Variants in AP3B1 observed in about 807,000 individuals in gnomAD.
AP3B1 encodes AP-3 complex subunit beta-1.
AP3B1 carries 61 observed loss-of-function variants against 132.5 expected under a neutral mutation model. The observed-to-expected ratio is 0.46, with a 90% confidence interval of 0.37 to 0.57. AP3B1 has a LOEUF of 0.57. AP3B1 is among the 20% of genes least tolerant of loss of function. AP3B1 has a pLI of 0.00. For missense variants in AP3B1, 1,120 were observed against 1,289.4 expected (o/e 0.87, Z 2.01); for synonymous variants, 388 against 438.3 (o/e 0.89, Z 1.43).
intron 8 of AP3B1, among the ~76,000 whole-genome samples, chr5:78,181,067 T>C (rs1270664387): frequency 6.6e-6 from 1 of 152,076 alleles, no homozygotes; most frequent in African/African-American, 2.4e-5. Flanking sequence ...ATACAAACAG[T>C]ATGGACTAAT....
At position 78,262,268 on chromosome 5, in the gene AP3B1, T is replaced by C. The variant is rs1313584982; in HGVS notation, c.204+5252A>G. On this transcript the variant is annotated intron_variant, in intron 2 of 26. Transcript: ENST00000255194. ...ATCTACTTTTTTTTTACTGTTCTTG[T>C]TTTAGTGTTGTATCTAAGAATCCTA... Among the ~76,000 whole-genome samples, 27 of 152,202 alleles carry C rather than the reference T, an allele frequency of 1.8e-4. 1 individual carries two copies. Among genetic ancestry groups the C allele is most frequent in the Admixed American group, 1.8e-3 (27 of 15,280 alleles).
At position 78,062,470 on chromosome 5, in the gene AP3B1, A is replaced by G. The variant is rs1232858555; in HGVS notation, c.2578-23196T>C. Among the ~76,000 whole-genome samples, 4 of 152,260 alleles carry G rather than the reference A, an allele frequency of 2.6e-5. No homozygotes were observed. The East Asian group carries it at 7.7e-4, about 29-fold the overall frequency. ...TACTAACACTTTATCTAAAAGACCT[A>G]AAGTTGTCTCTCAACTTTCAATAGG... On this transcript the variant is annotated intron_variant, in intron 22 of 26. Coordinates refer to ENST00000255194, the MANE Select transcript of AP3B1 (RefSeq NM_003664.5).
At chr5:78,055,514 T>C (rs1748773367) in intron 22 of AP3B1, among the ~76,000 whole-genome samples, 1 of 152,168 alleles carries the variant, frequency 6.6e-6, no homozygotes, top group African/African-American at 2.4e-5. Flanking sequence ...CTGGTGAAAG[T>C]CTCCTTCTTT....
intron 21 of AP3B1, among the ~76,000 whole-genome samples, chr5:78,097,636 C>A (rs1313669497): frequency 7.1e-6 from 1 of 141,520 alleles, no homozygotes; most frequent in Non-Finnish European, 1.6e-5. Flanking sequence ...CGGCCAGCCG[C>A]CCCGTCCGGG....
intron 23 of AP3B1, among the ~76,000 whole-genome samples, chr5:78,037,449 T>A (rs974960302): frequency 1.3e-5 from 2 of 152,222 alleles, no homozygotes; most frequent in South Asian, 2.1e-4. Flanking sequence ...AAAATATTTT[T>A]AAAAATTAAG....
At chr5:78,015,316 G>T (rs1746811319) in intron 26 of AP3B1, 94 bp downstream of exon 26, 3 of 1,297,738 alleles carry the variant, frequency 2.3e-6, no homozygotes, top group Admixed American at 1.8e-5. Flanking sequence ...ATGTTTAGGG[G>T]TTATTATTTC....
intron 22 of AP3B1, among the ~76,000 whole-genome samples, chr5:78,058,162 T>C (rs1748893789): frequency 6.6e-6 from 1 of 152,242 alleles, no homozygotes; most frequent in Non-Finnish European, 1.5e-5. Flanking sequence ...TTCATTTCAT[T>C]TGAGATTTAT....
At chr5:78,278,531 G>A (rs1324978368) in intron 1 of AP3B1, among the ~76,000 whole-genome samples, 1 of 89,874 alleles carries the variant, frequency 1.1e-5, no homozygotes, top group Non-Finnish European at 2.8e-5. Context: ...CCCGGGAGGC[G>A]GAGCTTGCAG....
intron 9 of AP3B1, 115 bp downstream of exon 9, chr5:78,177,224 C>G (rs567506838): frequency 4.3e-6 from 3 of 702,768 alleles, no homozygotes; most frequent in Non-Finnish European, 7.4e-6. Flanking sequence ...TCTTACTGAT[C>G]GATTGATTAA....
At position 78,022,432 on chromosome 5, in the gene AP3B1, G is replaced by T. The variant is rs189124580; in HGVS notation, c.2895-1643C>A. On this transcript the variant is annotated intron_variant, in intron 24 of 26. Coordinates refer to ENST00000255194, the MANE Select transcript of AP3B1 (RefSeq NM_003664.5). ...TTGGGAATGATGAGCAGCCTAATAT[G>T]TCAACAGAAGAGGTTGGGGGAACAT... Among the ~76,000 whole-genome samples the T allele has an allele frequency of 2.2e-3, 337 of 152,266 alleles. 2 individuals are homozygous for T. Among genetic ancestry groups the T allele is most frequent in the African/African-American group, 6.9e-3 (288 of 41,542 alleles).
intron 11 of AP3B1, among the ~76,000 whole-genome samples, chr5:78,175,083 G>T (rs1010852082): frequency 1.8e-4 from 27 of 152,260 alleles, no homozygotes; most frequent in African/African-American, 6.5e-4. Flanking sequence ...GGAAAGCGCA[G>T]TTTTTGGGTG....
intron 20 of AP3B1, among the ~76,000 whole-genome samples, chr5:78,108,594 G>A (rs1185501726): frequency 2.0e-5 from 3 of 152,068 alleles, no homozygotes; most frequent in South Asian, 2.1e-4. Flanking sequence ...AGCGAAACCC[G>A]AATTTCTCAA....
intron 6 of AP3B1, chr5:78,222,482 A>G (rs570278344): frequency 6.6e-6 from 1 of 152,376 alleles, no homozygotes; most frequent in South Asian, 2.1e-4. Context: ...CTGGTAGTCC[A>G]TTCCTGCTAG....
At chr5:78,127,175 A>G (rs113134294) in intron 17 of AP3B1, among the ~76,000 whole-genome samples, 2,702 of 152,258 alleles carry the variant, frequency 0.018, 76 homozygotes, top group African/African-American at 0.06. Context: ...GTATACAGAA[A>G]AATTGAGAGC....
At chr5:78,193,935 T>A (rs1251442405) in intron 7 of AP3B1, among the ~76,000 whole-genome samples, 1 of 150,962 alleles carries the variant, frequency 6.6e-6, no homozygotes, top group African/African-American at 2.4e-5. Flanking sequence ...TTTCAGCTAA[T>A]TTTTTGTATT....
intron 22 of AP3B1, among the ~76,000 whole-genome samples, chr5:78,074,192 A>G (rs531933581): frequency 1.3e-5 from 2 of 152,312 alleles, no homozygotes; most frequent in African/African-American, 4.8e-5. Flanking sequence ...AGCTCCTTTT[A>G]GTAATCTAGG....
chr5:78,046,414 T>C (rs926003046), intron 22 of AP3B1, among the ~76,000 whole-genome samples: 5 of 152,174 alleles, frequency 3.3e-5, no homozygotes, highest in Non-Finnish European at 7.4e-5. Flanking sequence ...ACCATCCCCC[T>C]ATTCCCAACG....
Position 78,294,642 on chromosome 5 carries a change from C to A in AP3B1, c.-63G>T, listed in dbSNP as rs948165084. The stretch of plus-strand genomic sequence containing the variant: ...GGGGTTCTCTCCAAAAGGTTCCAGT[C>A]CAGAGGGCACGGAACAAAACTAGTT... On this transcript the variant is annotated 5_prime_UTR_variant, in exon 1 of 27. Coordinates refer to ENST00000255194, the MANE Select transcript of AP3B1 (RefSeq NM_003664.5). 4 of 1,610,272 alleles carry A rather than the reference C, an allele frequency of 2.5e-6. No homozygotes were observed. The highest frequency in any genetic ancestry group is 2.2e-5 in the East Asian group (1 of 44,842).
chr5:78,094,081 G>A (rs1412332258), intron 21 of AP3B1, among the ~76,000 whole-genome samples: 1 of 152,178 alleles, frequency 6.6e-6, no homozygotes, highest in Non-Finnish European at 1.5e-5. Context: ...ACTGTCAGTT[G>A]TACTAACAAT....
Sources: allele counts gnomAD v4.1 joint callset (sites outside exome capture counted in the v4.1 genomes callset), GRCh38; gene constraint gnomAD v4.1.1; transcripts MANE v1.5; gene names NCBI Gene and HGNC (gene_info 2026-07-23, HGNC 2026-07-21).